UGT1A10: variants seen among roughly 807,000 people sequenced by gnomAD.
UGT1A10 encodes the protein UDP-glucuronosyltransferase 1A10.
In UGT1A10, 49 loss-of-function variants were observed where a neutral mutation model predicts 45.8. The ratio of observed to expected loss-of-function variants is 1.07; its 90% CI spans 0.85 to 1.36. UGT1A10 has a LOEUF of 1.36. Ranked by LOEUF, UGT1A10 falls within the 40% of genes most tolerant of loss-of-function variation. The pLI, the probability that UGT1A10 is intolerant of heterozygous loss-of-function variation, is 0.00. For synonymous variants in UGT1A10, 284 were observed against 249.7 expected (o/e 1.14, Z -1.29); for missense variants, 745 against 668.6 (o/e 1.11, Z -1.26).
intron 1 of UGT1A10, among the ~76,000 whole-genome samples, chr2:233,687,326 C>T (rs1474310989): frequency 1.3e-5 from 2 of 152,066 alleles, no homozygotes; most frequent in South Asian, 2.1e-4. Context: ...ATGCAAGTTT[C>T]CCTTGAATGA....
intron 1 of UGT1A10, chr2:233,754,945 G>A (rs1342760083): frequency 7.5e-7 from 1 of 1,327,414 alleles, no homozygotes; most frequent in Admixed American, 1.9e-5. Flanking sequence ...AAGGAGAATG[G>A]GTCCCGGCCG....
At position 233,768,455 on chromosome 2, in the gene UGT1A10, C is replaced by T. The variant is rs781674536; in HGVS notation, c.1295+16C>T. 1.9e-6 allele frequency: 3 copies of T among 1,610,240 alleles called. No individual in the cohort carries two copies. The highest frequency in any genetic ancestry group is 2.2e-5 in the East Asian group (1 of 44,770). On this transcript the variant is annotated intron_variant, in intron 4 of 4. Coordinates refer to ENST00000344644, the MANE Select transcript of UGT1A10 (RefSeq NM_019075.4). ...ATGACAAAAGGTAAGAAAGAAGATA[C>T]AGAAGAATACTTTGGTCATGGCATT... is the stretch of plus-strand genomic sequence containing the variant.
chr2:233,722,992 G>T (rs183532563), intron 1 of UGT1A10, among the ~76,000 whole-genome samples: 4,843 of 146,624 alleles, frequency 0.033, 98 homozygotes, highest in African/African-American at 0.049. Flanking sequence ...GTCTCAGCGT[G>T]GCAGAGGCAG....
Position 233,729,464 on chromosome 2 carries a change from G to C in UGT1A10, c.856-37570G>C, listed in dbSNP as rs146268573. ...CATTTTCTGAAGAAATTTTTCAGAA[G>C]TATGGCAATGTTGAACAATATGTCT... On this transcript the variant is annotated intron_variant, in intron 1 of 4. Coordinates refer to ENST00000344644, the MANE Select transcript of UGT1A10 (RefSeq NM_019075.4). 178 of 1,614,158 alleles carry C rather than the reference G, an allele frequency of 1.1e-4. 1 individual carries two copies. In the African/African-American group the frequency reaches 2.0e-3, roughly 18 times the overall value.
chr2:233,698,952 C>G (rs990930969), intron 1 of UGT1A10, among the ~76,000 whole-genome samples: 4 of 152,240 alleles, frequency 2.6e-5, no homozygotes, highest in Non-Finnish European at 5.9e-5. Flanking sequence ...TCTGTCCAAG[C>G]TGGCCCTTGG....
chr2:233,707,414 C>T (rs1356640381), intron 1 of UGT1A10, among the ~76,000 whole-genome samples: 2 of 152,084 alleles, frequency 1.3e-5, no homozygotes, highest in Non-Finnish European at 2.9e-5. Context: ...CTCTCTCCCT[C>T]GACTATTTCT....
intron 1 of UGT1A10, among the ~76,000 whole-genome samples, chr2:233,707,211 T>C (rs1292471081): frequency 6.6e-6 from 1 of 151,794 alleles, no homozygotes; most frequent in East Asian, 1.9e-4. Flanking sequence ...CCTTTCCATC[T>C]TTTCTCTGAC....
intron 1 of UGT1A10, chr2:233,647,863 T>C: frequency 7.3e-7 from 1 of 1,363,898 alleles, no homozygotes; most frequent in Non-Finnish European, 1.0e-6. Context: ...TCCATTGTTT[T>C]TCTATTTCCT....
intron 1 of UGT1A10, chr2:233,760,398 C>T (rs1018382617): frequency 6.2e-7 from 1 of 1,614,186 alleles, no homozygotes; most frequent in Non-Finnish European, 8.5e-7. Flanking sequence ...CAGTGGATGG[C>T]AGCCACTGGC....
At chr2:233,745,794 G>T (rs1343106553) in intron 1 of UGT1A10, among the ~76,000 whole-genome samples, 1 of 150,980 alleles carries the variant, frequency 6.6e-6, no homozygotes, top group Non-Finnish European at 1.5e-5. Context: ...GGGGGCTGGG[G>T]TCTATCCCAG....
At position 233,637,083 on chromosome 2, in the gene UGT1A10, T is replaced by C. The variant is rs1419556898; in HGVS notation, c.561T>C (p.Leu187=). 2 of 1,613,988 alleles carry C rather than the reference T, an allele frequency of 1.2e-6. No individual in the cohort carries two copies. Among genetic ancestry groups the C allele is most frequent in the East Asian group, 4.5e-5 (2 of 44,870 alleles). ...LEEGAQCPAP[L]SYVPNDLLGF... is the part of the protein sequence containing the mutation. ...AAGGTGCACAGTGCCCTGCTCCTCT[T>C]TCCTATGTCCCCAATGATCTCTTAG... Residue 187 remains leucine, a synonymous_variant, in exon 1 of 5, where the codon CTT becomes CTC. Transcript: ENST00000344644.
At chr2:233,701,138 G>A (rs1232602539) in intron 1 of UGT1A10, among the ~76,000 whole-genome samples, 2 of 152,142 alleles carry the variant, frequency 1.3e-5, no homozygotes, top group Non-Finnish European at 2.9e-5. Flanking sequence ...ATTTAGGTTG[G>A]TTCCAAGTCT....
chr2:233,663,007 C>T (rs553203985), intron 1 of UGT1A10, among the ~76,000 whole-genome samples: 1 of 152,260 alleles, frequency 6.6e-6, no homozygotes, highest in East Asian at 1.9e-4. Flanking sequence ...TTGTCATCTT[C>T]ACCACTTTAG....
intron 1 of UGT1A10, among the ~76,000 whole-genome samples, chr2:233,638,491 C>A (rs2073363783): frequency 6.6e-6 from 1 of 151,810 alleles, no homozygotes; most frequent in Admixed American, 6.5e-5. Context: ...TTTTGCTTTG[C>A]TGGAGCATAT....
intron 1 of UGT1A10, among the ~76,000 whole-genome samples, chr2:233,649,596 A>T (rs150642758): frequency 6.6e-6 from 1 of 152,242 alleles, no homozygotes; most frequent in Admixed American, 6.5e-5. Context: ...ACTTGCCAGT[A>T]AACCAGAGAC....
intron 1 of UGT1A10, among the ~76,000 whole-genome samples, chr2:233,658,550 G>A (rs560261664): frequency 6.6e-5 from 10 of 152,160 alleles, no homozygotes; most frequent in East Asian, 1.9e-4. Flanking sequence ...CCTTGTTTTC[G>A]ATGACTTTGA....
intron 1 of UGT1A10, among the ~76,000 whole-genome samples, chr2:233,733,657 G>A (rs1194673085): frequency 2.0e-5 from 3 of 152,158 alleles, no homozygotes; most frequent in South Asian, 2.1e-4. Context: ...GGATGAAGCC[G>A]ACTTGATCGA....
intron 1 of UGT1A10, among the ~76,000 whole-genome samples, chr2:233,740,328 TGAGA>T (rs1691367095): frequency 6.6e-6 from 1 of 151,900 alleles, no homozygotes; most frequent in Non-Finnish European, 1.5e-5. Flanking sequence ...CTGCATTTAT[TGAGA>T]AAGTTGATGA....
In UGT1A10 at chr2:233,772,415, C is replaced by T. The variant is rs142077822; in HGVS notation, c.1449C>T (p.Tyr483=). The T allele has an allele frequency of 1.4e-5, 22 of 1,614,112 alleles. No homozygotes were observed. The highest frequency in any genetic ancestry group is 1.9e-5 in the Non-Finnish European group (22 of 1,180,056). Residue 483 remains tyrosine (Y), a synonymous_variant, in exon 5 of 5, where the codon TAC becomes TAT. Transcript: ENST00000344644. ...PAAHDLTWYQ[Y]HSLDVIGFLL... ...CCCACGACCTCACCTGGTACCAGTA[C>T]CATTCCTTGGACGTGATTGGTTTCC...
Sources: allele counts gnomAD v4.1 joint callset (sites outside exome capture counted in the v4.1 genomes callset), GRCh38; gene constraint gnomAD v4.1.1; transcripts MANE v1.5; gene names NCBI Gene and HGNC (gene_info 2026-07-23, HGNC 2026-07-21).